Variants in CSMD1 observed in about 807,000 individuals in gnomAD.
CSMD1 encodes CUB and sushi domain-containing protein 1.
Under a neutral mutation model 417.5 loss-of-function variants are expected in CSMD1, and 213 were observed. The ratio of observed to expected loss-of-function variants is 0.51; its 90% confidence interval spans 0.46 to 0.57. CSMD1 has a LOEUF of 0.57. Among genes scored for constraint, CSMD1 ranks in the 20% least tolerant of loss-of-function variants. The probability of loss-of-function intolerance (pLI) is 0.00; values close to 1 mark genes in which losing one functional copy is unlikely to be tolerated. For synonymous variants in CSMD1, 2,862 were observed against 1,736.8 expected (o/e 1.65, Z -16.11); for missense variants, 6,923 against 4,529.7 (o/e 1.53, Z -15.17).
intron 2 of CSMD1, among the ~76,000 whole-genome samples, chr8:4,528,527 T>C (rs1017063065): frequency 8.5e-5 from 13 of 152,216 alleles, no homozygotes; most frequent in African/African-American, 3.1e-4. Flanking sequence ...AACAATACTT[T>C]GCTGTGTACT....
intron 11 of CSMD1, among the ~76,000 whole-genome samples, chr8:3,476,401 G>C (rs933132949): frequency 3.3e-5 from 5 of 152,152 alleles, no homozygotes; most frequent in Non-Finnish European, 7.3e-5. Flanking sequence ...ATTATGAATA[G>C]AGTTACTATA....
intron 5 of CSMD1, among the ~76,000 whole-genome samples, chr8:3,986,903 C>G (rs1192818751): frequency 6.6e-6 from 1 of 151,968 alleles, no homozygotes; most frequent in Non-Finnish European, 1.5e-5. Context: ...TGCAGGTGCA[C>G]GCCACCATGC....
At chr8:4,068,081 A>G (rs909428553) in intron 3 of CSMD1, among the ~76,000 whole-genome samples, 1 of 152,022 alleles carries the variant, frequency 6.6e-6, no homozygotes, top group African/African-American at 2.4e-5. Flanking sequence ...CAACGTCTCA[A>G]AAAAGAAAAA....
At chr8:3,311,248 T>TAACA (rs141755796) in intron 23 of CSMD1, among the ~76,000 whole-genome samples, 2,022 of 152,202 alleles carry the variant, frequency 0.013, 56 homozygotes, top group African/African-American at 0.046. Context: ...CCACTACTAA[T>TAACA]AACAAACAAC....
intron 3 of CSMD1, among the ~76,000 whole-genome samples, chr8:4,221,315 AC>A (rs1801017280): frequency 6.6e-6 from 1 of 151,524 alleles, no homozygotes; most frequent in African/African-American, 2.4e-5. Context: ...TCATGGACTT[AC>A]CACTTCTTGC....
intron 7 of CSMD1, among the ~76,000 whole-genome samples, chr8:3,660,886 A>AT (rs1215866629): frequency 2.6e-5 from 4 of 152,110 alleles, no homozygotes; most frequent in African/African-American, 4.8e-5. Context: ...TCTATGACAG[A>AT]TTTTTTGTAT....
intron 15 of CSMD1, among the ~76,000 whole-genome samples, chr8:3,402,516 C>T (rs1028667866): frequency 1.6e-4 from 24 of 152,060 alleles, no homozygotes; most frequent in African/African-American, 5.1e-4. Context: ...AACCTTTTGC[C>T]CGGAGGCCAT....
intron 2 of CSMD1, among the ~76,000 whole-genome samples, chr8:4,465,335 CAA>C (rs1426104002): frequency 2.0e-5 from 3 of 151,922 alleles, no homozygotes; most frequent in Admixed American, 1.3e-4. Context: ...CCTGTGCTTG[CAA>C]AAAGTGTACA....
chr8:3,977,335 A>C (rs1813511571), intron 5 of CSMD1, among the ~76,000 whole-genome samples: 1 of 152,150 alleles, frequency 6.6e-6, no homozygotes, highest in Non-Finnish European at 1.5e-5. Context: ...GTCCTGCCAT[A>C]CTCAGCAAAG....
chr8:3,780,823 T>C (rs541441481), intron 5 of CSMD1, among the ~76,000 whole-genome samples: 13 of 152,330 alleles, frequency 8.5e-5, no homozygotes, highest in South Asian at 2.1e-4. Flanking sequence ...TGCTTTGCCA[T>C]AGAACAATTT....
At chr8:4,887,807 T>A (rs1460253078) in intron 1 of CSMD1, among the ~76,000 whole-genome samples, 1 of 152,058 alleles carries the variant, frequency 6.6e-6, no homozygotes, top group Non-Finnish European at 1.5e-5. Flanking sequence ...AGTGACACTT[T>A]TTGTTTTAAA....
intron 8 of CSMD1, among the ~76,000 whole-genome samples, chr8:3,586,635 G>A (rs796967832): frequency 2.0e-5 from 3 of 152,244 alleles, no homozygotes; most frequent in South Asian, 2.1e-4. Flanking sequence ...GTCATTCATC[G>A]TGAATAAATA....
chr8:4,225,507 T>TC (rs1246271818), intron 3 of CSMD1, among the ~76,000 whole-genome samples: 1 of 151,854 alleles, frequency 6.6e-6, no homozygotes, highest in African/African-American at 2.4e-5. Flanking sequence ...TCATCACTTT[T>TC]TTTTTTTTTT....
chr8:3,439,309 A>ATAT lies in CSMD1; in HGVS notation c.1561+29402_1561+29403insATA. On this transcript the variant is annotated intron_variant, in intron 12 of 69. Coordinates refer to ENST00000635120, the MANE Select transcript of CSMD1 (RefSeq NM_033225.6). ...TATATATATATATATATATATATAT[A>ATAT]TTTTTTTTTTTAATATGTATTTTTA... Among the ~76,000 whole-genome samples the ATAT allele has an allele frequency of 4.0e-3, 251 of 62,404 alleles. 4 individuals carry two copies. The highest frequency in any genetic ancestry group is 0.011 in the African/African-American group (172 of 14,988). 40.9% of individuals were successfully genotyped at this position (62,404 alleles called of 152,430 possible).
chr8:4,094,635 G>T (rs186675609), intron 3 of CSMD1, among the ~76,000 whole-genome samples: 48 of 152,158 alleles, frequency 3.2e-4, no homozygotes, highest in East Asian at 2.7e-3. Flanking sequence ...ACACATGTGG[G>T]GACACACATG....
At chr8:4,791,105 CG>C (rs1193040154) in intron 1 of CSMD1, among the ~76,000 whole-genome samples, 1 of 151,686 alleles carries the variant, frequency 6.6e-6, no homozygotes, top group African/African-American at 2.4e-5. Context: ...TGAGAAGAGA[CG>C]GGGAGAAGAG....
chr8:3,925,298 A>T (rs1290146926), intron 5 of CSMD1, among the ~76,000 whole-genome samples: 1 of 152,248 alleles, frequency 6.6e-6, no homozygotes, highest in Non-Finnish European at 1.5e-5. Flanking sequence ...CCAAGAGGTG[A>T]AGCATCAGAG....
chr8:3,891,467 T>C (rs996269473), intron 5 of CSMD1, among the ~76,000 whole-genome samples: 1 of 152,058 alleles, frequency 6.6e-6, no homozygotes, highest in South Asian at 2.1e-4. Flanking sequence ...ATTTCCTGTA[T>C]ACAGGAGTTT....
chr8:3,879,780 A>C (rs73493865), intron 5 of CSMD1, among the ~76,000 whole-genome samples: 1 of 152,088 alleles, frequency 6.6e-6, no homozygotes, highest in African/African-American at 2.4e-5. Context: ...CATTGCTTTC[A>C]GCTTCAGATA....
Sources: allele counts gnomAD v4.1 joint callset (sites outside exome capture counted in the v4.1 genomes callset), GRCh38; gene constraint gnomAD v4.1.1; transcripts MANE v1.5; gene names NCBI Gene and HGNC (gene_info 2026-07-23, HGNC 2026-07-21).